The following CCDC85A variants were observed in gnomAD, a reference collection of about 807,000 sequenced individuals.
CCDC85A encodes the protein coiled-coil domain-containing protein 85A.
A neutral mutation model predicts 50.2 loss-of-function variants in CCDC85A; 38 were observed. That is an observed-to-expected ratio of 0.76 (90% CI 0.58 to 0.99). CCDC85A has a LOEUF of 0.99. Among genes scored for constraint, CCDC85A ranks in the 50% least tolerant of loss-of-function variants. The pLI, the probability that CCDC85A is intolerant of heterozygous loss-of-function variation, is 0.00. For missense variants in CCDC85A, 820 were observed against 742.0 expected (o/e 1.11, Z -1.22); for synonymous variants, 366 against 301.4 (o/e 1.21, Z -2.22).
intron 2 of CCDC85A, among the ~76,000 whole-genome samples, chr2:56,257,536 G>A (rs930530763): frequency 1.1e-4 from 16 of 152,154 alleles, no homozygotes; most frequent in African/African-American, 2.7e-4. Context: ...AAGCAGTCAA[G>A]CAAGTCTAGT....
chr2:56,352,823 T>G (rs1313644430), intron 3 of CCDC85A, among the ~76,000 whole-genome samples: 1 of 152,180 alleles, frequency 6.6e-6, no homozygotes, highest in African/African-American at 2.4e-5. Flanking sequence ...ACTAGTTCTT[T>G]GCCTGGCTCT....
chr2:56,255,146 C>T (rs1018884818), intron 2 of CCDC85A, among the ~76,000 whole-genome samples: 4 of 152,190 alleles, frequency 2.6e-5, no homozygotes, highest in Non-Finnish European at 5.9e-5. Context: ...ATTACTTCTG[C>T]CCATGGTCCA....
chr2:56,207,039 ATAAAC>A, intron 2 of CCDC85A, among the ~76,000 whole-genome samples: 1 of 152,314 alleles, frequency 6.6e-6, no homozygotes, highest in Non-Finnish European at 1.5e-5. Flanking sequence ...GTGAAAATCA[ATAAAC>A]TAATTCTGTT....
At chr2:56,362,389 T>C (rs1461110574) in intron 3 of CCDC85A, among the ~76,000 whole-genome samples, 3 of 151,958 alleles carry the variant, frequency 2.0e-5, no homozygotes, top group East Asian at 3.9e-4. Flanking sequence ...AGGTGAGATA[T>C]CAGAGCTGGA....
chr2:56,222,368 C>T (rs958923863), intron 2 of CCDC85A, among the ~76,000 whole-genome samples: 22 of 152,040 alleles, frequency 1.4e-4, no homozygotes, highest in Middle Eastern at 3.2e-3. Context: ...TTAAAAATGA[C>T]TTCCAACTTT....
intron 2 of CCDC85A, among the ~76,000 whole-genome samples, chr2:56,248,354 C>A (rs563619378): frequency 6.6e-6 from 1 of 152,234 alleles, no homozygotes; most frequent in South Asian, 2.1e-4. Flanking sequence ...AACCAGGGGC[C>A]AAGTGGAGCG....
chr2:56,302,284 A>T (rs58390707), intron 2 of CCDC85A, among the ~76,000 whole-genome samples: 2,548 of 152,228 alleles, frequency 0.017, 80 homozygotes, highest in African/African-American at 0.058. Context: ...AATAAATAAA[A>T]AAAATAAGAT....
intron 2 of CCDC85A, among the ~76,000 whole-genome samples, chr2:56,317,002 G>A (rs1010601121): frequency 3.3e-5 from 5 of 152,048 alleles, no homozygotes; most frequent in Non-Finnish European, 5.9e-5. Context: ...TTCTGTTAAA[G>A]TGGACTTTCT....
At position 56,233,462 on chromosome 2, in the gene CCDC85A, C is replaced by A. The variant is rs567139406; in HGVS notation, c.1240+40022C>A. 2.6e-5 allele frequency among the ~76,000 whole-genome samples: 4 copies of A among 152,098 alleles called. No homozygotes were observed. The South Asian group carries it at 8.3e-4, about 32-fold the overall frequency. ...AAATATTAGGCTGGCTTTGCAGGGC[C>A]CAAAGGTCTCCATTGTAACTACCCA... is the stretch of plus-strand genomic sequence containing the variant. On this transcript the variant is annotated intron_variant, in intron 2 of 5. Transcript: ENST00000407595.
chr2:56,354,403 C>T (rs1675117556), intron 3 of CCDC85A, among the ~76,000 whole-genome samples: 1 of 152,186 alleles, frequency 6.6e-6, no homozygotes, highest in African/African-American at 2.4e-5. Context: ...GTCATCTGTG[C>T]TTGTGATACA....
At chr2:56,374,853 A>G (rs1676255574) in intron 4 of CCDC85A, among the ~76,000 whole-genome samples, 1 of 152,208 alleles carries the variant, frequency 6.6e-6, no homozygotes, top group South Asian at 2.1e-4. Context: ...AATTCTCATG[A>G]TACACCTTCA....
chr2:56,341,152 G>A (rs1265546368), intron 2 of CCDC85A, among the ~76,000 whole-genome samples: 2 of 152,148 alleles, frequency 1.3e-5, no homozygotes, highest in Non-Finnish European at 2.9e-5. Flanking sequence ...ACGCTCACTT[G>A]AGGCATTCTT....
At chr2:56,259,310 T>A (rs1161214672) in intron 2 of CCDC85A, among the ~76,000 whole-genome samples, 2 of 152,084 alleles carry the variant, frequency 1.3e-5, no homozygotes, top group African/African-American at 2.4e-5. Flanking sequence ...TGGAAGTAAG[T>A]CCTTCAGATG....
At chr2:56,231,030 C>T (rs1415756655) in intron 2 of CCDC85A, among the ~76,000 whole-genome samples, 2 of 152,084 alleles carry the variant, frequency 1.3e-5, no homozygotes, top group African/African-American at 4.8e-5. Context: ...TGGAATATTT[C>T]CCTTATACTA....
At chr2:56,315,823 C>G (rs1558637187) in intron 2 of CCDC85A, among the ~76,000 whole-genome samples, 4 of 152,250 alleles carry the variant, frequency 2.6e-5, no homozygotes, top group East Asian at 3.9e-4. Context: ...ATTTGAGACT[C>G]TGCTGTGTGC....
rs142772890 is a variant in CCDC85A at position 56,229,280 on chromosome 2, C to T, written c.1240+35840C>T. Among the ~76,000 whole-genome samples, 605 of 152,266 alleles carry T rather than the reference C, an allele frequency of 4.0e-3. 6 individuals are homozygous for T. Among genetic ancestry groups the T allele is most frequent in the African/African-American group, 0.011 (449 of 41,556 alleles). ...GGAGCTTAATTATACGTGATTAAGA[C>T]GTAGACTTATGTCTGTAAATTTGTA... On this transcript the variant is annotated intron_variant, in intron 2 of 5. Coordinates refer to ENST00000407595, the MANE Select transcript of CCDC85A (RefSeq NM_001080433.2).
intron 5 of CCDC85A, among the ~76,000 whole-genome samples, chr2:56,377,079 T>A (rs1676370926): frequency 6.6e-6 from 1 of 152,222 alleles, no homozygotes; most frequent in South Asian, 2.1e-4. Flanking sequence ...TGAATTTGCT[T>A]TTCCTAAACA....
intron 3 of CCDC85A, among the ~76,000 whole-genome samples, chr2:56,345,968 A>G (rs1248867964): frequency 6.6e-6 from 1 of 152,172 alleles, no homozygotes; most frequent in Non-Finnish European, 1.5e-5. Context: ...TCACTCCCAA[A>G]TTTATTAAAG....
At chr2:56,277,106 T>G (rs549832997) in intron 2 of CCDC85A, among the ~76,000 whole-genome samples, 19 of 152,278 alleles carry the variant, frequency 1.2e-4, no homozygotes, top group African/African-American at 4.6e-4. Context: ...TTTGATGACT[T>G]TTTTCATTCT....
Sources: gnomAD v4.1 joint callset for allele counts (sites outside exome capture counted in the v4.1 genomes callset) on GRCh38, gnomAD v4.1.1 for gene constraint, MANE v1.5 for transcripts, NCBI Gene and HGNC (gene_info 2026-07-23, HGNC 2026-07-21) for gene names.